The following PLCZ1 variants were observed in gnomAD, a reference collection of about 807,000 sequenced individuals.
The protein encoded by PLCZ1 is phospholipase C zeta 1.
A neutral mutation model predicts 76.8 loss-of-function variants in PLCZ1; 64 were observed. That is an observed-to-expected ratio of 0.83 (90% confidence interval 0.68 to 1.03). PLCZ1 has a LOEUF of 1.03. PLCZ1 is among the 50% of genes least tolerant of loss of function. The pLI, the probability that PLCZ1 is intolerant of heterozygous loss-of-function variation, is 0.00. For missense variants in PLCZ1, 751 were observed against 713.7 expected (o/e 1.05, Z -0.60); for synonymous variants, 248 against 230.8 (o/e 1.07, Z -0.68).
chr12:18,669,779 T>A, the PLCZ1 span, among the ~76,000 whole-genome samples: 1 of 152,114 alleles, frequency 6.6e-6, no homozygotes, highest in South Asian at 2.1e-4. Flanking sequence ...TGCCTCAGCC[T>A]CCTGAGTAGC....
the PLCZ1 span, among the ~76,000 whole-genome samples, chr12:18,652,424 G>T: frequency 6.6e-6 from 1 of 152,126 alleles, no homozygotes; most frequent in African/African-American, 2.4e-5. Flanking sequence ...TGCAAAAGAG[G>T]CATGGCAGAG....
the PLCZ1 span, among the ~76,000 whole-genome samples, chr12:18,658,789 C>T: frequency 6.6e-6 from 1 of 152,062 alleles, no homozygotes; most frequent in Non-Finnish European, 1.5e-5. Flanking sequence ...GAATGCTATA[C>T]TTTAGCTTAG....
intron 7 of PLCZ1, among the ~76,000 whole-genome samples, chr12:18,702,174 A>G (rs1239527080): frequency 6.6e-6 from 1 of 152,112 alleles, no homozygotes; most frequent in Non-Finnish European, 1.5e-5. Flanking sequence ...ATTAAAAAGT[A>G]TTAAATGAAA....
At chr12:18,716,267 G>T (rs1042179551) in intron 5 of PLCZ1, among the ~76,000 whole-genome samples, 1 of 151,942 alleles carries the variant, frequency 6.6e-6, no homozygotes, top group Non-Finnish European at 1.5e-5. Context: ...AAACCACCAA[G>T]AACTATATTG....
chr12:18,678,498 A>G (rs1434322055), downstream of PLCZ1, among the ~76,000 whole-genome samples: 1 of 151,974 alleles, frequency 6.6e-6, no homozygotes, highest in African/African-American at 2.4e-5. Context: ...GGCTCCTTTT[A>G]ATCCATCCCT....
At chr12:18,735,763 G>A (rs36105713) in intron 3 of PLCZ1, 11,058 of 152,314 alleles carry the variant, frequency 0.073, 431 homozygotes, top group African/African-American at 0.1. Context: ...CTTACTCTAA[G>A]TATTTGTCAA....
chr12:18,725,313 A>T (rs1459308036), intron 3 of PLCZ1, among the ~76,000 whole-genome samples: 1 of 152,154 alleles, frequency 6.6e-6, no homozygotes, highest in Non-Finnish European at 1.5e-5. Context: ...AATAAGAAAG[A>T]AGGTGCAATT....
At chr12:18,678,828 T>C (rs1197663549), downstream of PLCZ1, among the ~76,000 whole-genome samples, 1 of 152,046 alleles carries the variant, frequency 6.6e-6, no homozygotes, top group Admixed American at 6.6e-5. Flanking sequence ...TGTGTGGACA[T>C]GTGTTTTCAT....
intron 4 of PLCZ1, among the ~76,000 whole-genome samples, chr12:18,720,129 T>A (rs905594970): frequency 5.3e-5 from 8 of 152,118 alleles, no homozygotes; most frequent in Admixed American, 6.6e-5. Context: ...TTGTACCTGG[T>A]TTCTTTTACT....
the PLCZ1 span, among the ~76,000 whole-genome samples, chr12:18,665,771 GT>G: frequency 2.0e-5 from 3 of 151,776 alleles, no homozygotes; most frequent in South Asian, 6.2e-4. Context: ...TCCTTCTCTA[GT>G]AAAATACAAA....
the PLCZ1 span, among the ~76,000 whole-genome samples, chr12:18,673,449 C>G: frequency 6.6e-6 from 1 of 151,962 alleles, no homozygotes; most frequent in South Asian, 2.1e-4. Context: ...TTATGGAATT[C>G]TAAAACTATT....
At chr12:18,683,642 AGT>A (rs1287035472) in intron 14 of PLCZ1, 1 of 1,364,240 alleles carries the variant, frequency 7.3e-7, no homozygotes, top group Admixed American at 2.2e-5. Context: ...CTGTTAGAAA[AGT>A]AAGCATATTG....
At chr12:18,720,986 T>C (rs1442718131) in intron 4 of PLCZ1, among the ~76,000 whole-genome samples, 1 of 151,948 alleles carries the variant, frequency 6.6e-6, no homozygotes. Context: ...TAGAAGAAAA[T>C]AAATGAAATT....
At chr12:18,715,841 A>G (rs1021662132) in intron 5 of PLCZ1, 1 of 152,096 alleles carries the variant, frequency 6.6e-6, no homozygotes, top group Non-Finnish European at 1.5e-5. Context: ...GTTTAAGTGC[A>G]CAGTGCTTTA....
the PLCZ1 span, among the ~76,000 whole-genome samples, chr12:18,657,667 C>T: frequency 6.6e-6 from 1 of 152,108 alleles, no homozygotes; most frequent in Admixed American, 6.5e-5. Context: ...AGGCACTAAA[C>T]AAACAACTAC....
intron 12 of PLCZ1, chr12:18,693,400 C>T (rs1954443105): frequency 6.2e-7 from 1 of 1,604,528 alleles, no homozygotes; most frequent in African/African-American, 1.3e-5. Context: ...CTCACCCATC[C>T]TGAATATTAT....
chr12:18,705,791 G>A (rs955605387), intron 6 of PLCZ1, among the ~76,000 whole-genome samples: 6 of 152,000 alleles, frequency 3.9e-5, no homozygotes, highest in Admixed American at 6.6e-5. Context: ...ACTTGAACCC[G>A]GGAGGCAGAG....
chr12:18,706,271 T>C (rs928309355), intron 6 of PLCZ1, among the ~76,000 whole-genome samples: 1 of 151,556 alleles, frequency 6.6e-6, no homozygotes, highest in Non-Finnish European at 1.5e-5. Flanking sequence ...AAGACAGAGC[T>C]ATCTATACTG....
the PLCZ1 span, among the ~76,000 whole-genome samples, chr12:18,673,885 C>T: frequency 6.6e-6 from 1 of 152,200 alleles, no homozygotes; most frequent in Non-Finnish European, 1.5e-5. Flanking sequence ...ACCTCTTTCA[C>T]ATGGCAGCTT....
Sources: gnomAD v4.1 joint callset for allele counts (sites outside exome capture counted in the v4.1 genomes callset) on GRCh38, gnomAD v4.1.1 for gene constraint, MANE v1.5 for transcripts, NCBI Gene and HGNC (gene_info 2026-07-23, HGNC 2026-07-21) for gene names.